IGF2: variants seen among roughly 807,000 people sequenced by gnomAD.
IGF2 encodes insulin-like growth factor 2.
In IGF2, 2 loss-of-function variants were observed where a neutral mutation model predicts 12.0. The observed-to-expected ratio is 0.17, with a 90% CI of 0.07 to 0.52. The LOEUF (loss-of-function observed/expected upper bound fraction) is 0.52. Ranked by LOEUF, IGF2 falls within the 20% of genes least tolerant of loss-of-function variation. The probability of loss-of-function intolerance (pLI) is 0.95; values close to 1 mark genes in which losing one functional copy is unlikely to be tolerated. For synonymous variants in IGF2, 105 were observed against 110.1 expected (o/e 0.95, Z 0.29); for missense variants, 211 against 268.0 (o/e 0.79, Z 1.48).
upstream of IGF2, among the ~76,000 whole-genome samples, chr11:2,142,144 T>G (rs535164673): frequency 6.6e-6 from 1 of 151,962 alleles, no homozygotes; most frequent in Non-Finnish European, 1.5e-5. This position sits in a 1 kb window ranked among gnomAD's most constrained non-coding sequence, Gnocchi z 5.7. Flanking sequence ...CCATGGAACA[T>G]TTTCTAAATG....
chr11:2,137,373 C>T (rs1378187119), intron 1 of IGF2: 6 of 422,922 alleles, frequency 1.4e-5, no homozygotes, highest in Middle Eastern at 1.1e-3. Flanking sequence ...CCTCTCCCTG[C>T]TGACCACTCC....
At chr11:2,143,899 A>G (rs1859748378), upstream of IGF2, among the ~76,000 whole-genome samples, 1 of 152,214 alleles carries the variant, frequency 6.6e-6, no homozygotes, top group African/African-American at 2.4e-5. Flanking sequence ...GTTGAGCTCA[A>G]GCTTCCCGGG....
rs1408698106 is a variant in IGF2 at position 2,138,373 on chromosome 11, G to C, written c.-151C>G. 1 of 959,050 alleles carries C rather than the reference G, an allele frequency of 1.0e-6. No homozygotes were observed. Among genetic ancestry groups the C allele is most frequent in the Non-Finnish European group, 1.2e-6 (1 of 807,960 alleles). 59.4% of individuals were successfully genotyped at this position (959,050 alleles called of 1,614,324 possible). A position where few individuals can be genotyped will look rare whatever the true frequency, so the allele number is the denominator to read the frequency against. On this transcript the variant is annotated 5_prime_UTR_variant, in exon 1 of 4. Coordinates refer to ENST00000416167, the MANE Select transcript of IGF2 (RefSeq NM_000612.6). ...CGAATGTGCGACGGGGCAGAGCGGGGGGATGGCTTTTTTTTGGGGGGGGGG... is the reference window on the plus strand; with the variant it reads ...CGAATGTGCGACGGGGCAGAGCGGGCGGATGGCTTTTTTTTGGGGGGGGGG...
the IGF2 span, chr11:2,149,312 G>A: frequency 6.2e-7 from 1 of 1,613,100 alleles, no homozygotes. Context: ...CTCTGGCCAG[G>A]TTGACGTGGA....
intron 1 of IGF2, 56 bp downstream of exon 1, chr11:2,138,173 C>T (rs1471201976): frequency 3.1e-6 from 3 of 972,168 alleles, no homozygotes; most frequent in East Asian, 2.3e-4. Flanking sequence ...GGGCGTCCGG[C>T]GCAAGCCCGC....
At chr11:2,145,962 G>A (rs1203713317), upstream of IGF2, among the ~76,000 whole-genome samples, 1 of 152,068 alleles carries the variant, frequency 6.6e-6, no homozygotes, top group Non-Finnish European at 1.5e-5. Context: ...GTCCAAGGGT[G>A]TTGGGAGGGG....
chr11:2,147,903 C>A, the IGF2 span: 2 of 971,284 alleles, frequency 2.1e-6, no homozygotes, highest in Non-Finnish European at 2.7e-6. This position sits in a 1 kb window ranked among gnomAD's most constrained non-coding sequence, Gnocchi z 7.2. Context: ...TCCCATCCCC[C>A]TCCCCGGGTT....
Position 2,138,363 on chromosome 11 carries a change from G to A in IGF2, c.-141C>T. 1.0e-6 allele frequency: 1 copy of A among 957,624 alleles called. No individual in the cohort carries two copies. The highest frequency in any genetic ancestry group is 1.2e-6 in the Non-Finnish European group (1 of 807,956). The allele number at this position is 957,624 out of a possible 1,614,324, so 59.3% of individuals were successfully genotyped here. A position where few individuals can be genotyped will look rare whatever the true frequency, so the allele number is the denominator to read the frequency against. On this transcript the variant is annotated 5_prime_UTR_variant, in exon 1 of 4. Coordinates refer to ENST00000416167, the MANE Select transcript of IGF2 (RefSeq NM_000612.6). ...TCGCGGGGGCCGAATGTGCGACGGG[G>A]CAGAGCGGGGGGATGGCTTTTTTTT...
intron 1 of IGF2, chr11:2,137,241 A>G: frequency 1.0e-6 from 1 of 996,972 alleles, no homozygotes; most frequent in Non-Finnish European, 1.2e-6. Context: ...GAAGAGGAGG[A>G]GGAGGAAGCT....
chr11:2,133,553 G>T lies in IGF2; in HGVS notation c.270C>A (p.Ser90=). 1 of 1,613,028 alleles carries T rather than the reference G, an allele frequency of 6.2e-7. No homozygotes were observed. The highest frequency in any genetic ancestry group is 8.5e-7 in the Non-Finnish European group (1 of 1,179,908). Residue 90 remains serine (S), a synonymous_variant, in exon 3 of 4, where the codon TCC becomes TCA. Transcript: ENST00000416167. The surrounding 1 kb of genome is among the most constrained non-coding windows in gnomAD (Gnocchi z 8.9). ...TCGGAGGGGTCGACACGTCCCTCTC[G>T]GACTTGGCGGGGGTAGCACAGTACG... ...LETYCATPAK[S]ERDVSTPPTV...
chr11:2,132,817 C>A lies in IGF2; in HGVS notation c.*170G>T. 1 of 575,926 alleles carries A rather than the reference C, an allele frequency of 1.7e-6. No individual in the cohort carries two copies. The highest frequency in any genetic ancestry group is 1.9e-5 in the African/African-American group (1 of 52,248). 35.7% of individuals were successfully genotyped at this position (575,926 alleles called of 1,614,324 possible). A position where few individuals can be genotyped will look rare whatever the true frequency, so the allele number is the denominator to read the frequency against. On this transcript the variant is annotated 3_prime_UTR_variant, in exon 4 of 4. Transcript: ENST00000416167. ...GCTTCCTCAGCCCGATGGAGGGGGC[C>A]GAGGAGAGTAGCCTGTTTCGGGGAG... is the stretch of plus-strand genomic sequence containing the variant.
chr11:2,135,582 C>A, intron 1 of IGF2, 53 bp from the exon 2 acceptor site: 9 of 1,528,806 alleles, frequency 5.9e-6, no homozygotes, highest in Non-Finnish European at 8.0e-6. Context: ...AAGCCCCAGG[C>A]CAGAGGTGCC....
chr11:2,141,434 C>T (rs1296308907), upstream of IGF2, among the ~76,000 whole-genome samples: 3 of 152,132 alleles, frequency 2.0e-5, no homozygotes, highest in Non-Finnish European at 2.9e-5. Flanking sequence ...AGAGAAGTTG[C>T]TCCATGCAAT....
upstream of IGF2, among the ~76,000 whole-genome samples, chr11:2,143,536 CG>C (rs530169723): frequency 3.1e-4 from 47 of 152,278 alleles, no homozygotes; most frequent in Admixed American, 1.2e-3. Context: ...GCGACCACCA[CG>C]GACCAAGGGC....
the IGF2 span, chr11:2,147,013 C>G: frequency 1.3e-5 from 2 of 153,126 alleles, no homozygotes; most frequent in African/African-American, 4.8e-5. The surrounding 1 kb of genome is among the most constrained non-coding windows in gnomAD (Gnocchi z 7.2). Flanking sequence ...CAGAAGGCCT[C>G]TGGTTATTAC....
upstream of IGF2, among the ~76,000 whole-genome samples, chr11:2,139,638 A>G (rs1474507336): frequency 6.9e-6 from 1 of 145,272 alleles, no homozygotes; most frequent in Non-Finnish European, 1.5e-5. Context: ...GGTGGGGGGC[A>G]GGGAGCCGCA....
In IGF2 at chr11:2,133,577, C is replaced by T. The variant is rs777408420; in HGVS notation, c.246G>A (p.Thr82=). 5.6e-6 allele frequency: 9 copies of T among 1,613,042 alleles called. No individual in the cohort carries two copies. The highest frequency in any genetic ancestry group is 3.3e-5 in the South Asian group (3 of 91,064). ...CGGACTTGGCGGGGGTAGCACAGTA[C>T]GTCTCCAGGAGGGCCAGGTCACAGC... ...FRSCDLALLE[T]YCATPAKSER... is the part of the protein sequence containing the mutation. The change falls in exon 3 of 4, where the codon ACG becomes ACA. Residue 82 remains threonine (T), a synonymous_variant. Transcript: ENST00000416167. This position sits in a 1 kb window ranked among gnomAD's most constrained non-coding sequence, Gnocchi z 8.9.
the IGF2 span, chr11:2,149,257 A>G: frequency 1.2e-6 from 2 of 1,613,732 alleles, no homozygotes; most frequent in East Asian, 2.2e-5. Context: ...CAATATTAGC[A>G]GTCACCACCA....
intron 1 of IGF2, among the ~76,000 whole-genome samples, chr11:2,136,625 A>T (rs1460209176): frequency 6.6e-6 from 1 of 152,232 alleles, no homozygotes; most frequent in Admixed American, 6.5e-5. Flanking sequence ...TTGATGCAAT[A>T]AATTATGTGA....
Sources: allele counts gnomAD v4.1 joint callset (sites outside exome capture counted in the v4.1 genomes callset), GRCh38; gene constraint gnomAD v4.1.1; non-coding constraint Gnocchi (gnomAD v3.1); transcripts MANE v1.5; gene names NCBI Gene and HGNC (gene_info 2026-07-23, HGNC 2026-07-21).